CNTN5: variants seen among roughly 807,000 people sequenced by gnomAD.
CNTN5 encodes the protein contactin-5.
Under a neutral mutation model 129.1 loss-of-function variants are expected in CNTN5, and 77 were observed. The ratio of observed to expected loss-of-function variants is 0.60; its 90% confidence interval spans 0.50 to 0.72. The LOEUF is 0.72. Ranked by LOEUF, CNTN5 falls within the 30% of genes least tolerant of loss-of-function variation. The pLI is 0.00. For synonymous variants in CNTN5, 509 were observed against 465.6 expected (o/e 1.09, Z -1.20); for missense variants, 1,478 against 1,328.8 (o/e 1.11, Z -1.75).
At chr11:100,328,044 T>C (rs1054724808) in intron 21 of CNTN5, among the ~76,000 whole-genome samples, 2 of 151,776 alleles carry the variant, frequency 1.3e-5, no homozygotes, top group African/African-American at 4.8e-5. Context: ...GTGCTAAGAG[T>C]TGTATTTTTA....
chr11:100,288,476 A>G (rs1950857981), intron 18 of CNTN5, among the ~76,000 whole-genome samples: 1 of 152,226 alleles, frequency 6.6e-6, no homozygotes, highest in South Asian at 2.1e-4. Flanking sequence ...GCTCAACTAC[A>G]TGGAAACTGA....
intron 3 of CNTN5, among the ~76,000 whole-genome samples, chr11:99,663,114 C>CT (rs1194900905): frequency 1.1e-5 from 1 of 92,470 alleles, no homozygotes; most frequent in Admixed American, 1.3e-4. Flanking sequence ...AGACAATAGT[C>CT]TGATAGAAAG....
intron 13 of CNTN5, among the ~76,000 whole-genome samples, chr11:100,120,305 C>A (rs1299909395): frequency 6.6e-6 from 1 of 151,856 alleles, no homozygotes; most frequent in Non-Finnish European, 1.5e-5. Flanking sequence ...CAATTTACAC[C>A]ACCATTAAAT....
At chr11:99,266,340 G>A (rs1049123930) in intron 1 of CNTN5, among the ~76,000 whole-genome samples, 1 of 152,076 alleles carries the variant, frequency 6.6e-6, no homozygotes, top group African/African-American at 2.4e-5. Context: ...GGCTTACACA[G>A]GTAATCCCAG....
At chr11:100,127,085 T>C (rs1284386706) in intron 13 of CNTN5, among the ~76,000 whole-genome samples, 13 of 146,954 alleles carry the variant, frequency 8.8e-5, no homozygotes, top group Non-Finnish European at 1.5e-4. Context: ...CACACCACCA[T>C]GCGCAGCTAA....
At chr11:99,631,721 C>T (rs575969623) in intron 3 of CNTN5, among the ~76,000 whole-genome samples, 2 of 151,732 alleles carry the variant, frequency 1.3e-5, no homozygotes, top group South Asian at 4.2e-4. Flanking sequence ...CACAAAGACA[C>T]ACACATACAA....
In CNTN5 at chr11:99,429,732, G is replaced by A. The variant is rs1591041703; in HGVS notation, c.-71+104248G>A. On this transcript the variant is annotated intron_variant, in intron 2 of 24. Coordinates refer to ENST00000524871, the MANE Select transcript of CNTN5 (RefSeq NM_014361.4). ...TAATCCTGGTTCTCCAAAAAGGAGAGATCATGGGAATAGGCCATATAATAT... is the reference window on the plus strand; with the variant it reads ...TAATCCTGGTTCTCCAAAAAGGAGAAATCATGGGAATAGGCCATATAATAT... Among the ~76,000 whole-genome samples, 4 of 152,092 alleles carry A rather than the reference G, an allele frequency of 2.6e-5. No homozygotes were observed. The East Asian group carries it at 7.7e-4, about 29-fold the overall frequency.
chr11:99,173,121 T>A (rs995566539), intron 1 of CNTN5, among the ~76,000 whole-genome samples: 1 of 152,074 alleles, frequency 6.6e-6, no homozygotes, highest in Admixed American at 6.5e-5. Flanking sequence ...GAAAGAGCCA[T>A]CCCTATAATT....
chr11:100,303,166 T>C (rs114014538), intron 20 of CNTN5, among the ~76,000 whole-genome samples: 1,586 of 151,654 alleles, frequency 0.01, 27 homozygotes, highest in African/African-American at 0.037. Flanking sequence ...ACCCTGTACA[T>C]GTGTCAAATA....
intron 1 of CNTN5, among the ~76,000 whole-genome samples, chr11:99,045,006 T>C (rs377680139): frequency 7.9e-5 from 12 of 152,158 alleles, no homozygotes; most frequent in East Asian, 7.7e-4. Flanking sequence ...TATTGCATGA[T>C]GTTATTGTGA....
chr11:100,032,276 T>C (rs954287838), intron 9 of CNTN5, among the ~76,000 whole-genome samples: 17 of 152,160 alleles, frequency 1.1e-4, no homozygotes, highest in Admixed American at 3.3e-4. Context: ...TTTGCTGTAG[T>C]ATTTAGTTAT....
intron 3 of CNTN5, among the ~76,000 whole-genome samples, chr11:99,804,793 T>C (rs188124648): frequency 1.3e-5 from 2 of 150,674 alleles, no homozygotes; most frequent in East Asian, 3.9e-4. Context: ...TATGGTAAAA[T>C]GATTTATGAA....
chr11:99,039,440 A>G (rs550486189), intron 1 of CNTN5, among the ~76,000 whole-genome samples: 4 of 152,262 alleles, frequency 2.6e-5, no homozygotes, highest in South Asian at 2.1e-4. Flanking sequence ...TATTTTTTCT[A>G]TCACTAGACA....
intron 3 of CNTN5, among the ~76,000 whole-genome samples, chr11:99,718,268 TCAGA>T (rs1943051644): frequency 6.6e-6 from 1 of 152,190 alleles, no homozygotes; most frequent in African/African-American, 2.4e-5. Flanking sequence ...ACTCACTGTG[TCAGA>T]CACTGTTCTT....
intron 3 of CNTN5, among the ~76,000 whole-genome samples, chr11:99,735,631 C>CT (rs1466246916): frequency 6.6e-6 from 1 of 152,196 alleles, no homozygotes; most frequent in African/African-American, 2.4e-5. Flanking sequence ...GGGAAGCCTA[C>CT]TGAAATAGCT....
intron 8 of CNTN5, among the ~76,000 whole-genome samples, chr11:99,984,598 T>G (rs1052394013): frequency 8.5e-5 from 13 of 152,132 alleles, no homozygotes; most frequent in African/African-American, 3.1e-4. Context: ...CTTTTAAATG[T>G]TTTTATAAGA....
At chr11:100,188,886 T>C (rs547722250) in intron 13 of CNTN5, among the ~76,000 whole-genome samples, 16 of 152,296 alleles carry the variant, frequency 1.1e-4, no homozygotes, top group African/African-American at 3.6e-4. Flanking sequence ...CACTGTGGAA[T>C]ACTAGCCAGC....
At chr11:99,891,975 C>T (rs1266811146) in intron 6 of CNTN5, among the ~76,000 whole-genome samples, 4 of 152,188 alleles carry the variant, frequency 2.6e-5, no homozygotes, top group Admixed American at 6.5e-5. Flanking sequence ...TATCTCTCCA[C>T]ATCCTCTCCA....
chr11:100,221,627 T>A (rs998381576), intron 15 of CNTN5, among the ~76,000 whole-genome samples: 2 of 152,168 alleles, frequency 1.3e-5, no homozygotes, highest in Non-Finnish European at 2.9e-5. Context: ...AGAGTGAACA[T>A]ACATCCTGTT....
Sources: gnomAD v4.1 joint callset for allele counts (sites outside exome capture counted in the v4.1 genomes callset) on GRCh38, gnomAD v4.1.1 for gene constraint, MANE v1.5 for transcripts, NCBI Gene and HGNC (gene_info 2026-07-23, HGNC 2026-07-21) for gene names.